The following DPY19L1 variants were observed in gnomAD, a reference collection of about 807,000 sequenced individuals.
DPY19L1 encodes protein C-mannosyl-transferase DPY19L1.
In DPY19L1, 35 loss-of-function variants were observed where a neutral mutation model predicts 96.9. That is an observed-to-expected ratio of 0.36 (90% CI 0.28 to 0.48). The LOEUF (loss-of-function observed/expected upper bound fraction) is 0.48. DPY19L1 is among the 20% of genes least tolerant of loss of function. The pLI is 0.99. For missense variants in DPY19L1, 521 were observed against 777.9 expected, an observed-to-expected ratio of 0.67 and a Z score of 3.93; for synonymous variants, 205 against 252.6, an observed-to-expected ratio of 0.81 and a Z score of 1.79.
At chr7:34,963,281 G>A (rs185476820) in intron 10 of DPY19L1, among the ~76,000 whole-genome samples, 127 of 151,646 alleles carry the variant, frequency 8.4e-4, no homozygotes, top group Non-Finnish European at 1.1e-3. Flanking sequence ...CAAAAACCAC[G>A]GTGAGATATC....
intron 1 of DPY19L1, among the ~76,000 whole-genome samples, 185 bp downstream of exon 1, chr7:35,036,912 G>A (rs1786418033): frequency 6.6e-6 from 1 of 151,764 alleles, no homozygotes; most frequent in African/African-American, 2.4e-5. Flanking sequence ...GGAGTTGCGG[G>A]GAGGAGAAGG....
In DPY19L1 at chr7:35,013,713, A is replaced by T; in HGVS notation, c.412-8T>A. ...ATAGGAATAATATAGTCCCTGAAATAAAGATATGCTCAATTAAAATAACAA... is the reference window on the plus strand; with the variant it reads ...ATAGGAATAATATAGTCCCTGAAATTAAGATATGCTCAATTAAAATAACAA... On this transcript the variant is annotated splice_region_variant and splice_polypyrimidine_tract_variant and intron_variant, in intron 3 of 21. Transcript: ENST00000638088. 4 of 1,582,462 alleles carry T rather than the reference A, an allele frequency of 2.5e-6. No homozygotes were observed. The highest frequency in any genetic ancestry group is 2.6e-6 in the Non-Finnish European group (3 of 1,161,590).
chr7:34,942,350 TC>T (rs773807169), intron 17 of DPY19L1, among the ~76,000 whole-genome samples: 1 of 152,208 alleles, frequency 6.6e-6, no homozygotes, highest in Non-Finnish European at 1.5e-5. Flanking sequence ...AATAGACACC[TC>T]ATACATATGT....
At chr7:34,986,097 T>C in intron 7 of DPY19L1, among the ~76,000 whole-genome samples, 1 of 151,996 alleles carries the variant, frequency 6.6e-6, no homozygotes. Flanking sequence ...ATATGTGGAA[T>C]CTAAGAGTCA....
intron 6 of DPY19L1, among the ~76,000 whole-genome samples, chr7:34,997,064 A>T (rs1362742761): frequency 2.0e-5 from 3 of 152,166 alleles, no homozygotes; most frequent in African/African-American, 7.2e-5. Context: ...AGTCATGGCT[A>T]TCTCTTAGAG....
intron 6 of DPY19L1, among the ~76,000 whole-genome samples, chr7:35,009,604 G>A (rs1785650631): frequency 6.6e-6 from 1 of 152,060 alleles, no homozygotes; most frequent in Non-Finnish European, 1.5e-5. Context: ...GATAATGAGT[G>A]GTCTTTTCCC....
chr7:35,035,622 A>C (rs1333475668), intron 1 of DPY19L1, among the ~76,000 whole-genome samples: 2 of 152,210 alleles, frequency 1.3e-5, no homozygotes, highest in Non-Finnish European at 2.9e-5. Flanking sequence ...AACAACTACA[A>C]TGTGTCAAGT....
At chr7:34,943,698 T>TAAC (rs761592653) in intron 16 of DPY19L1, among the ~76,000 whole-genome samples, 5 of 152,362 alleles carry the variant, frequency 3.3e-5, no homozygotes, top group Non-Finnish European at 5.9e-5. Context: ...TGAAGCTCAA[T>TAAC]GGTTTCCTAT....
At chr7:35,031,000 G>A (rs1442861152) in intron 1 of DPY19L1, among the ~76,000 whole-genome samples, 1 of 152,178 alleles carries the variant, frequency 6.6e-6, no homozygotes, top group South Asian at 2.1e-4. Flanking sequence ...CCCTGGAAGA[G>A]TAATGTCTCA....
In DPY19L1 at chr7:34,931,590, C is replaced by G. The variant is rs1416028273; in HGVS notation, c.2230G>C (p.Glu744Gln). ...VFQNSVYKVL[E>Q]VVKE is the part of the protein sequence containing the mutation. ...TGTAGCAGTCATTCTTTTACAACTT[C>G]TAGGACTTTGTAAACACTGTTCTGG... is the stretch of plus-strand genomic sequence containing the variant. Residue 744 changes from glutamate to glutamine, a missense_variant, in exon 22 of 22, where the codon GAA becomes CAA. By Grantham distance (29) the Glu-to-Gln change is conservative. Coordinates refer to ENST00000638088, the MANE Select transcript of DPY19L1 (RefSeq NM_001366673.1). 6.5e-7 allele frequency: 1 copy of G among 1,546,294 alleles called. No individual in the cohort carries two copies. Among genetic ancestry groups the G allele is most frequent in the Non-Finnish European group, 8.7e-7 (1 of 1,151,904 alleles).
At chr7:35,008,980 T>C (rs1346948788) in intron 6 of DPY19L1, among the ~76,000 whole-genome samples, 2 of 152,228 alleles carry the variant, frequency 1.3e-5, no homozygotes, top group Non-Finnish European at 2.9e-5. Context: ...CTGCATCTTG[T>C]TTCAAAAACA....
At chr7:34,981,683 G>A (rs997681226) in intron 7 of DPY19L1, among the ~76,000 whole-genome samples, 1 of 152,226 alleles carries the variant, frequency 6.6e-6, no homozygotes, top group Non-Finnish European at 1.5e-5. Context: ...GGGCGTGGTG[G>A]CTCATGCCTG....
At chr7:35,006,148 T>C (rs775832403) in intron 6 of DPY19L1, among the ~76,000 whole-genome samples, 1 of 152,254 alleles carries the variant, frequency 6.6e-6, no homozygotes, top group African/African-American at 2.4e-5. Context: ...GCACTCATCC[T>C]TACATAGCAG....
At chr7:34,999,976 T>C (rs2128675110) in intron 6 of DPY19L1, among the ~76,000 whole-genome samples, 1 of 152,154 alleles carries the variant, frequency 6.6e-6, no homozygotes, top group South Asian at 2.1e-4. Context: ...ATACACAGGG[T>C]GGGGAAGACA....
chr7:34,990,163 T>C (rs974565325), intron 6 of DPY19L1, among the ~76,000 whole-genome samples: 2 of 152,218 alleles, frequency 1.3e-5, no homozygotes, highest in African/African-American at 2.4e-5. Context: ...CTTCAAAATG[T>C]ATAGACTCAG....
intron 7 of DPY19L1, among the ~76,000 whole-genome samples, chr7:34,981,792 A>G (rs1269335114): frequency 6.6e-6 from 1 of 152,140 alleles, no homozygotes; most frequent in East Asian, 1.9e-4. Flanking sequence ...CTCTAATAAA[A>G]GTATAAAAAT....
intron 7 of DPY19L1, among the ~76,000 whole-genome samples, 187 bp from the exon 8 acceptor site, chr7:34,973,792 C>A (rs1452510229): frequency 6.6e-6 from 1 of 152,094 alleles, no homozygotes; most frequent in Admixed American, 6.5e-5. Context: ...GACAGAGACA[C>A]ATGTGGCTTA....
chr7:34,949,815 A>G lies in DPY19L1; in HGVS notation c.1404T>C (p.Phe468=). The change falls in exon 14 of 22, where the codon TTT becomes TTC. Residue 468 remains phenylalanine, a synonymous_variant. Coordinates refer to ENST00000638088, the MANE Select transcript of DPY19L1 (RefSeq NM_001366673.1). Reference sequence around the variant, plus strand: ...ATCTTACCTCTTTTTCCATAAAGTCAAACTCCGCTGCACAGGTATACAATA... The same window carrying G: ...ATCTTACCTCTTTTTCCATAAAGTCGAACTCCGCTGCACAGGTATACAATA... ...DTLLYTCAAE[F]DFMEKETPLR... 1 of 1,601,168 alleles carries G rather than the reference A, an allele frequency of 6.2e-7. No homozygotes were observed. Among genetic ancestry groups the G allele is most frequent in the Non-Finnish European group, 8.5e-7 (1 of 1,173,588 alleles).
chr7:34,953,915 G>C (rs557120795), intron 13 of DPY19L1, among the ~76,000 whole-genome samples: 1 of 152,224 alleles, frequency 6.6e-6, no homozygotes, highest in Non-Finnish European at 1.5e-5. Flanking sequence ...CAGGGGAGTA[G>C]ACAGCCCTCA....
Sources: allele counts gnomAD v4.1 joint callset (sites outside exome capture counted in the v4.1 genomes callset), GRCh38; gene constraint gnomAD v4.1.1; transcripts MANE v1.5; gene names NCBI Gene and HGNC (gene_info 2026-07-23, HGNC 2026-07-21).